UIMC1: variants seen among roughly 807,000 people sequenced by gnomAD.
UIMC1 encodes the protein BRCA1-A complex subunit RAP80.
A neutral mutation model predicts 84.9 loss-of-function variants in UIMC1; 42 were observed. The observed-to-expected ratio is 0.49, with a 90% CI of 0.39 to 0.64. The LOEUF (loss-of-function observed/expected upper bound fraction) is 0.64. Among genes scored for constraint, UIMC1 ranks in the 30% least tolerant of loss-of-function variants. The pLI is 0.00. For missense variants in UIMC1, 825 were observed against 847.6 expected (o/e 0.97, Z 0.33); for synonymous variants, 281 against 293.0 (o/e 0.96, Z 0.42).
chr5:177,016,721 A>G (rs895979769), intron 1 of UIMC1, among the ~76,000 whole-genome samples: 4 of 151,244 alleles, frequency 2.6e-5, no homozygotes, highest in Admixed American at 2.6e-4. Flanking sequence ...CTCCGTCTCA[A>G]AAAAGAAAAT....
intron 11 of UIMC1, 136 bp downstream of exon 11, chr5:176,911,167 AAAGAAAAG>A (rs201691450): frequency 0.043 from 9,819 of 230,536 alleles, 1,492 homozygotes; most frequent in East Asian, 0.075. Flanking sequence ...AAAGAAAAGA[AAAGAAAAG>A]AAAATTCAGG....
In UIMC1 at chr5:176,970,781, T is replaced by C; in HGVS notation, c.318A>G (p.Glu106=). ...AREVNSQEEE[E]EELLRKAIAE... Reference sequence around the variant, plus strand: ...CAATGGCTTTCCTCAAGAGCTCCTCTTCTTCCTCCTCCTGGCTGTTCACCT... The same window carrying C: ...CAATGGCTTTCCTCAAGAGCTCCTCCTCTTCCTCCTCCTGGCTGTTCACCT... The change falls in exon 4 of 15, where the codon GAA becomes GAG. Residue 106 remains glutamate, a synonymous_variant. Transcript: ENST00000511320. 6.2e-7 allele frequency: 1 copy of C among 1,614,146 alleles called. No homozygotes were observed.
intron 1 of UIMC1, among the ~76,000 whole-genome samples, chr5:177,022,254 C>A (rs1190076787): frequency 1.3e-5 from 2 of 152,194 alleles, no homozygotes; most frequent in East Asian, 3.9e-4. Context: ...CGGGGAAGAT[C>A]AGAGCTGGGA....
At chr5:176,945,523 T>A (rs1435387309) in intron 9 of UIMC1, among the ~76,000 whole-genome samples, 1 of 152,234 alleles carries the variant, frequency 6.6e-6, no homozygotes, top group Non-Finnish European at 1.5e-5. Flanking sequence ...CGTGATGTGC[T>A]TCCCCCTGTA....
intron 10 of UIMC1, among the ~76,000 whole-genome samples, chr5:176,923,981 G>A (rs1402714886): frequency 6.6e-6 from 1 of 151,342 alleles, no homozygotes; most frequent in Non-Finnish European, 1.5e-5. Context: ...ATATTTACAT[G>A]TTGGCTCAAT....
intron 7 of UIMC1, among the ~76,000 whole-genome samples, chr5:176,956,273 CT>C (rs1343101367): frequency 6.6e-6 from 1 of 152,172 alleles, no homozygotes; most frequent in Admixed American, 6.5e-5. Flanking sequence ...AACAAATTCC[CT>C]TTTGGAGTTT....
chr5:177,015,741 C>T (rs770360792), intron 1 of UIMC1, among the ~76,000 whole-genome samples: 7 of 152,086 alleles, frequency 4.6e-5, no homozygotes, highest in Non-Finnish European at 1.0e-4. Context: ...ACCTGGCATC[C>T]CCTGAAGACA....
intron 2 of UIMC1, among the ~76,000 whole-genome samples, chr5:176,979,148 G>A (rs879844143): frequency 6.6e-6 from 1 of 152,120 alleles, no homozygotes; most frequent in Non-Finnish European, 1.5e-5. Context: ...TTATGATAAA[G>A]GTAAAATTTC....
At chr5:176,988,204 A>G (rs901008275) in intron 1 of UIMC1, among the ~76,000 whole-genome samples, 1 of 151,040 alleles carries the variant, frequency 6.6e-6, no homozygotes, top group African/African-American at 2.4e-5. Context: ...ATGAAATATC[A>G]CTTTATACCC....
chr5:176,938,591 G>A (rs1764010617), intron 10 of UIMC1, among the ~76,000 whole-genome samples: 1 of 152,134 alleles, frequency 6.6e-6, no homozygotes. Flanking sequence ...AAAATCAACA[G>A]AGAGCTCTCT....
chr5:176,935,421 G>C (rs769444448), intron 10 of UIMC1, among the ~76,000 whole-genome samples: 1 of 152,072 alleles, frequency 6.6e-6, no homozygotes, highest in Non-Finnish European at 1.5e-5. Context: ...TTGCATTACA[G>C]TTATGCATGT....
rs370749460 is a variant in UIMC1 at position 176,975,605 on chromosome 5, TA to T, written c.148-126del. 2.2e-5 allele frequency: 18 copies of T among 827,964 alleles called. 1 individual carries two copies. Among genetic ancestry groups the T allele is most frequent in the Middle Eastern group, 2.3e-4 (1 of 4,274 alleles). 51.3% of individuals were successfully genotyped at this position (827,964 alleles called of 1,614,324 possible). A position where few individuals can be genotyped will look rare whatever the true frequency, so the allele number is the denominator to read the frequency against. Reference sequence around the variant, plus strand: ...TTGGTGATTGTTATAAATATGCACATAAAACATTAGAAGATCCTTTTCAGTA... The same window carrying T: ...TTGGTGATTGTTATAAATATGCACATAAACATTAGAAGATCCTTTTCAGTA... On this transcript the variant is annotated intron_variant, in intron 2 of 14. Coordinates refer to ENST00000511320, the MANE Select transcript of UIMC1 (RefSeq NM_001199298.2).
chr5:176,982,698 C>G, intron 1 of UIMC1, 75 bp from the exon 2 acceptor site: 1 of 1,474,962 alleles, frequency 6.8e-7, no homozygotes, highest in Non-Finnish European at 9.1e-7. Flanking sequence ...TTTCTAGAAG[C>G]TATTCAACTT....
At chr5:176,972,383 A>C (rs1769378687) in intron 3 of UIMC1, among the ~76,000 whole-genome samples, 1 of 151,652 alleles carries the variant, frequency 6.6e-6, no homozygotes, top group African/African-American at 2.4e-5. Flanking sequence ...CCTAGGCAAC[A>C]GAGTGAGACT....
chr5:176,926,358 C>T (rs1762385020), intron 10 of UIMC1, among the ~76,000 whole-genome samples: 1 of 152,016 alleles, frequency 6.6e-6, no homozygotes, highest in South Asian at 2.1e-4. Flanking sequence ...GAGATACACA[C>T]TGATCAAGCT....
At chr5:176,971,517 G>A (rs1448239473) in intron 3 of UIMC1, among the ~76,000 whole-genome samples, 2 of 152,148 alleles carry the variant, frequency 1.3e-5, no homozygotes, top group African/African-American at 2.4e-5. Flanking sequence ...AAGAACTTAG[G>A]AGCCAATTAA....
chr5:176,911,159 AG>A lies in UIMC1; in HGVS notation c.1676+151del. The A allele has an allele frequency of 7.4e-6, 2 of 271,458 alleles. 1 individual carries two copies. Among genetic ancestry groups the A allele is most frequent in the East Asian group, 1.4e-4 (2 of 14,642 alleles). The allele number at this position is 271,458 out of a possible 1,614,324, so 16.8% of individuals were successfully genotyped here. Reference sequence around the variant, plus strand: ...AGAAAAGAAAAGAAAAGAAAAGAAAAGAAAAGAAAAGAAAAGAAAATTCAGG... The same window carrying A: ...AGAAAAGAAAAGAAAAGAAAAGAAAAAAAAGAAAAGAAAAGAAAATTCAGG... On this transcript the variant is annotated intron_variant, in intron 11 of 14. Coordinates refer to ENST00000511320, the MANE Select transcript of UIMC1 (RefSeq NM_001199298.2).
chr5:176,945,285 A>C (rs1764934547), intron 9 of UIMC1, among the ~76,000 whole-genome samples: 1 of 152,200 alleles, frequency 6.6e-6, no homozygotes, highest in South Asian at 2.1e-4. Flanking sequence ...TCTGTTCATA[A>C]ATCTTAAAAC....
intron 10 of UIMC1, among the ~76,000 whole-genome samples, chr5:176,933,660 C>T (rs1377684044): frequency 6.6e-6 from 1 of 151,920 alleles, no homozygotes; most frequent in Non-Finnish European, 1.5e-5. Context: ...CCTCAGCCTC[C>T]GAAGTAACTG....
Sources: allele counts gnomAD v4.1 joint callset (sites outside exome capture counted in the v4.1 genomes callset), GRCh38; gene constraint gnomAD v4.1.1; transcripts MANE v1.5; gene names NCBI Gene and HGNC (gene_info 2026-07-23, HGNC 2026-07-21).